The following ALKBH7 variants were observed in gnomAD, a reference collection of about 807,000 sequenced individuals.
ALKBH7 encodes alkB homolog 7, RNA demethylase.
In ALKBH7, 21 loss-of-function variants were observed where a neutral mutation model predicts 19.3. That is an observed-to-expected ratio of 1.09 (90% CI 0.77 to 1.56). ALKBH7 has a LOEUF of 1.56. Ranked by LOEUF, ALKBH7 falls within the 40% of genes most tolerant of loss-of-function variation. ALKBH7 has a pLI of 0.00. For synonymous variants in ALKBH7, 147 were observed against 139.5 expected, an observed-to-expected ratio of 1.05 and a Z score of -0.38; for missense variants, 354 against 311.4, an observed-to-expected ratio of 1.14 and a Z score of -1.03.
intron 1 of ALKBH7, chr19:6,373,722 G>C: frequency 1.6e-6 from 2 of 1,266,550 alleles, no homozygotes; most frequent in East Asian, 3.1e-5. Flanking sequence ...TGCTGGGATG[G>C]GGCAGGGCCT....
At position 6,372,918 on chromosome 19, in the gene ALKBH7, C is replaced by T. The variant is rs1214129277; in HGVS notation, c.98C>T (p.Ala33Val). Residue 33 changes from alanine to valine, a missense_variant, in exon 1 of 4, where the codon GCC (alanine) becomes GTC (valine). By Grantham distance (64) the Ala-to-Val change is moderately conservative. Transcript: ENST00000245812. ...PSVLSRLQDA[A>V]VVRPGFLSTA... ...GTGCTGAGCCGCCTGCAGGACGCGG[C>T]CGTGGTGCGGCCTGGCTTCCTGAGC... The T allele has an allele frequency of 4.5e-6, 7 of 1,560,058 alleles. No homozygotes were observed. The highest frequency in any genetic ancestry group is 6.1e-6 in the Non-Finnish European group (7 of 1,155,132).
intron 1 of ALKBH7, chr19:6,373,521 C>A: frequency 1.5e-6 from 1 of 672,092 alleles, no homozygotes; most frequent in Non-Finnish European, 2.1e-6. Flanking sequence ...AGTTACAGTG[C>A]AGAAGAACGT....
At position 6,372,864 on chromosome 19, in the gene ALKBH7, C is replaced by A. The variant is rs748905813; in HGVS notation, c.44C>A (p.Pro15His). 3 of 1,550,440 alleles carry A rather than the reference C, an allele frequency of 1.9e-6. No homozygotes were observed. The African/African-American group carries it at 4.1e-5, about 21-fold the overall frequency. Residue 15 changes from proline (P) to histidine (H), a missense_variant, in exon 1 of 4, where the codon CCC becomes CAC. Transcript: ENST00000245812. The part of the protein sequence containing the change: ...GLLALRTLPG[P>H]SWVRGSGPSV... ...CTGGCGCTGCGGACGCTGCCAGGGC[C>A]CAGCTGGGTGCGAGGCTCGGGCCCT...
chr19:6,373,662 A>T (rs1340482464), intron 1 of ALKBH7: 3 of 1,189,640 alleles, frequency 2.5e-6, no homozygotes, highest in Non-Finnish European at 3.1e-6. Context: ...GGGGAAGTCG[A>T]GGTTTAGAGA....
chr19:6,372,817 G>T lies in ALKBH7; in HGVS notation c.-4G>T, dbSNP rs1198105125. 2 of 1,542,182 alleles carry T rather than the reference G, an allele frequency of 1.3e-6. No homozygotes were observed. Among genetic ancestry groups the T allele is most frequent in the East Asian group, 2.4e-5 (1 of 41,270 alleles). On this transcript the variant is annotated 5_prime_UTR_variant, in exon 1 of 4. Coordinates refer to ENST00000245812, the MANE Select transcript of ALKBH7 (RefSeq NM_032306.4). ...GCCCTCTCTCATGACCCCGCTCCGG[G>T]ATTATGGCCGGGACTGGGCTGCTGG...
chr19:6,374,255 G>A lies in ALKBH7; in HGVS notation c.257G>A (p.Arg86Gln), dbSNP rs1243367099. The A allele has an allele frequency of 1.9e-6, 3 of 1,613,236 alleles. No individual in the cohort carries two copies. The South Asian group carries it at 3.3e-5, about 18-fold the overall frequency. The stretch of plus-strand genomic sequence containing the variant: ...AAGTCGCGCTGGTCAGAAGCCAGCC[G>A]GGCCATCCTGCAGCGCGTGCAGGCG... The part of the protein sequence containing the change: ...TEKSRWSEAS[R>Q]AILQRVQAAA... The change falls in exon 2 of 4, where the codon CGG becomes CAG. Residue 86 changes from arginine (R) to glutamine (Q), a missense_variant. Coordinates refer to ENST00000245812, the MANE Select transcript of ALKBH7 (RefSeq NM_032306.4).
Position 6,374,562 on chromosome 19 carries a change from T to C in ALKBH7, c.476T>C (p.Leu159Pro), listed in dbSNP as rs750303940. The C allele has an allele frequency of 6.2e-7, 1 of 1,613,630 alleles. No individual in the cohort carries two copies. Among genetic ancestry groups the C allele is most frequent in the South Asian group, 1.1e-5 (1 of 91,064 alleles). ...CCGGGGGAGTGGCTGGAACTCTTGC[T>C]GGAGCCGGGCTCCCTCTACATCCTT... ...QEPGEWLELL[L>P]EPGSLYILRG... Residue 159 changes from leucine (L) to proline (P), a missense_variant, in exon 3 of 4, where the codon CTG becomes CCG. Coordinates refer to ENST00000245812, the MANE Select transcript of ALKBH7 (RefSeq NM_032306.4).
In ALKBH7 at chr19:6,373,302, G is replaced by C. The variant is rs182200160; in HGVS notation, c.204+278G>C. Among the ~76,000 whole-genome samples the C allele has an allele frequency of 6.7e-4, 85 of 127,620 alleles. 1 individual carries two copies. In the East Asian group the frequency reaches 0.02, roughly 30 times the overall value. The allele number at this position is 127,620 out of a possible 152,430, so 83.7% of individuals were successfully genotyped here. On this transcript the variant is annotated intron_variant, in intron 1 of 3. Transcript: ENST00000245812. ...GGGCCACGCTGGGGCGGGGACAAAG[G>C]AGACAGCGCAGGGATGGGGCGGGGG...
rs1033803596 is a variant in ALKBH7, at chr19:6,374,470, C to T, written c.384C>T (p.Cys128=). The stretch of plus-strand genomic sequence containing the variant: ...TCCCCACGCCTCTTTTGCAGTTCTG[C>T]GGGGCCACCATCGCCGGCCTGTCTC... The part of the protein sequence containing the change: ...IKPHVDSIKF[C]GATIAGLSLL... The change falls in exon 3 of 4, where the codon TGC becomes TGT. Residue 128 remains cysteine, a synonymous_variant. Coordinates refer to ENST00000245812, the MANE Select transcript of ALKBH7 (RefSeq NM_032306.4). The T allele has an allele frequency of 1.2e-6, 2 of 1,613,572 alleles. No homozygotes were observed. The highest frequency in any genetic ancestry group is 1.1e-5 in the South Asian group (1 of 91,072).
Position 6,374,844 on chromosome 19 carries a change from C to T in ALKBH7, c.537C>T (p.Ile179=), listed in dbSNP as rs1414099746. ...GSARYDFSHE[I]LRDEESFFGE... ...CCCGTTATGACTTCTCCCATGAGAT[C>T]CTTCGGGATGAAGAGTCCTTCTTTG... The change falls in exon 4 of 4, where the codon ATC becomes ATT. Residue 179 remains isoleucine (I), a synonymous_variant. Transcript: ENST00000245812. 6.2e-7 allele frequency: 1 copy of T among 1,613,854 alleles called. No individual in the cohort carries two copies. The highest frequency in any genetic ancestry group is 8.5e-7 in the Non-Finnish European group (1 of 1,179,908).
chr19:6,373,115 G>A, intron 1 of ALKBH7, 91 bp downstream of exon 1: 4 of 1,449,866 alleles, frequency 2.8e-6, no homozygotes, highest in Non-Finnish European at 3.7e-6. Flanking sequence ...GGGACACGCT[G>A]GGGGCGGTAC....
Position 6,372,907 on chromosome 19 carries a change from G to A in ALKBH7, c.87G>A (p.Leu29=). 6.4e-7 allele frequency: 1 copy of A among 1,555,674 alleles called. No individual in the cohort carries two copies. The stretch of plus-strand genomic sequence containing the variant: ...CGGGCCCTTCCGTGCTGAGCCGCCT[G>A]CAGGACGCGGCCGTGGTGCGGCCTG... ...RGSGPSVLSR[L]QDAAVVRPGF... Residue 29 remains leucine (L), a synonymous_variant, in exon 1 of 4, where the codon CTG becomes CTA. Coordinates refer to ENST00000245812, the MANE Select transcript of ALKBH7 (RefSeq NM_032306.4).
At position 6,374,497 on chromosome 19, in the gene ALKBH7, C is replaced by A; in HGVS notation, c.411C>A (p.Leu137=). Residue 137 remains leucine (L), a synonymous_variant, in exon 3 of 4, where the codon CTC becomes CTA. Transcript: ENST00000245812. ...GGGCCACCATCGCCGGCCTGTCTCT[C>A]CTGTCTCCCAGCGTTATGCGGCTGG... is the stretch of plus-strand genomic sequence containing the variant. ...FCGATIAGLS[L]LSPSVMRLVH... The A allele has an allele frequency of 1.2e-6, 2 of 1,614,074 alleles. No homozygotes were observed. Among genetic ancestry groups the A allele is most frequent in the Non-Finnish European group, 1.7e-6 (2 of 1,179,980 alleles).
In ALKBH7 at chr19:6,373,461, G is replaced by A. The variant is rs79609054; in HGVS notation, c.204+437G>A. 2.7e-3 allele frequency: 1,177 copies of A among 435,390 alleles called. 15 individuals are homozygous for A. The highest frequency in any genetic ancestry group is 0.023 in the African/African-American group (1,057 of 46,782). The allele number at this position is 435,390 out of a possible 1,614,324, so 27.0% of individuals were successfully genotyped here. On this transcript the variant is annotated intron_variant, in intron 1 of 3. Coordinates refer to ENST00000245812, the MANE Select transcript of ALKBH7 (RefSeq NM_032306.4). ...GGTTACAGCGCAGTCGAGCGTGGGG[G>A]TGGGGCCAGGGAGTCGGGTGTAGGG...
chr19:6,373,836 T>C (rs2091905946), intron 1 of ALKBH7: 1 of 1,299,732 alleles, frequency 7.7e-7, no homozygotes, highest in Non-Finnish European at 9.7e-7. Context: ...GATGAGGACC[T>C]TGGGGTCAGG....
At position 6,372,951 on chromosome 19, in the gene ALKBH7, A is replaced by G. The variant is rs753596012; in HGVS notation, c.131A>G (p.Glu44Gly). The G allele has an allele frequency of 6.4e-7, 1 of 1,573,878 alleles. No individual in the cohort carries two copies. The highest frequency in any genetic ancestry group is 1.2e-5 in the South Asian group (1 of 86,254). The change falls in exon 1 of 4, where the codon GAG (glutamate) becomes GGG (glycine). Residue 44 changes from glutamate (E) to glycine (G), a missense_variant. By Grantham distance (98) the Glu-to-Gly change is moderately conservative. Coordinates refer to ENST00000245812, the MANE Select transcript of ALKBH7 (RefSeq NM_032306.4). ...VVRPGFLSTAEEETLSRELEP... is the reference protein window; with the variant it reads ...VVRPGFLSTAGEETLSRELEP... The stretch of plus-strand genomic sequence containing the variant: ...CGGCCTGGCTTCCTGAGCACGGCAG[A>G]GGAGGAGACGCTGAGCCGAGAACTG...
intron 1 of ALKBH7, among the ~76,000 whole-genome samples, chr19:6,373,312 AG>A (rs1406083233): frequency 4.7e-5 from 1 of 21,236 alleles, no homozygotes; most frequent in Non-Finnish European, 8.6e-5. Flanking sequence ...GAGACAGCGC[AG>A]GGATGGGGCG....
chr19:6,373,567 C>G (rs2091903510), intron 1 of ALKBH7: 22 of 1,046,082 alleles, frequency 2.1e-5, no homozygotes, highest in Non-Finnish European at 2.6e-5. Flanking sequence ...GGTCGTCGAG[C>G]GCATGGATGG....
At chr19:6,374,433 G>C in intron 2 of ALKBH7, 32 bp from the exon 3 acceptor site, 1 of 1,610,800 alleles carries the variant, frequency 6.2e-7, no homozygotes, top group Non-Finnish European at 8.5e-7. Context: ...GGCCCGGTTA[G>C]ATCCTGACCC....
Sources: gnomAD v4.1 joint callset for allele counts (sites outside exome capture counted in the v4.1 genomes callset) on GRCh38, gnomAD v4.1.1 for gene constraint, MANE v1.5 for transcripts, NCBI Gene and HGNC (gene_info 2026-07-23, HGNC 2026-07-21) for gene names.